Variants in SCD5 observed in about 807,000 individuals in gnomAD.
SCD5 encodes stearoyl-CoA desaturase 5, also known as acyl-CoA-desaturase 4.
SCD5 carries 20 observed loss-of-function variants against 30.4 expected under a neutral mutation model. The observed-to-expected ratio is 0.66, with a 90% CI of 0.46 to 0.96. SCD5 has a LOEUF of 0.96. Ranked by LOEUF, SCD5 falls within the 40% of genes least tolerant of loss-of-function variation. The pLI, the probability that SCD5 is intolerant of heterozygous loss-of-function variation, is 0.00. For missense variants in SCD5, 381 were observed against 443.3 expected (o/e 0.86, Z 1.26); for synonymous variants, 173 against 176.4 (o/e 0.98, Z 0.16).
chr4:82,706,018 AT>A (rs778798025), intron 1 of SCD5, among the ~76,000 whole-genome samples: 2 of 152,282 alleles, frequency 1.3e-5, no homozygotes, highest in Non-Finnish European at 2.9e-5. Flanking sequence ...ATGACAAATC[AT>A]TCCTTACTTG....
At chr4:82,666,145 C>G (rs1359725710) in intron 3 of SCD5, among the ~76,000 whole-genome samples, 1 of 152,078 alleles carries the variant, frequency 6.6e-6, no homozygotes, top group Non-Finnish European at 1.5e-5. Flanking sequence ...TGAAAACTTT[C>G]TCTACTTTTT....
intron 1 of SCD5, among the ~76,000 whole-genome samples, chr4:82,737,986 A>G (rs1435565490): frequency 6.6e-6 from 1 of 151,492 alleles, no homozygotes; most frequent in Non-Finnish European, 1.5e-5. Context: ...ATCTAGAACT[A>G]TATCTACTTT....
At chr4:82,712,299 T>TACACA (rs1560540883) in intron 1 of SCD5, among the ~76,000 whole-genome samples, 4 of 32,014 alleles carry the variant, frequency 1.2e-4, no homozygotes, top group Non-Finnish European at 1.3e-4. Flanking sequence ...TATATATATT[T>TACACA]TATTTTTATT....
chr4:82,643,160 G>A (rs1727577791), intron 3 of SCD5, among the ~76,000 whole-genome samples: 1 of 152,204 alleles, frequency 6.6e-6, no homozygotes, highest in Non-Finnish European at 1.5e-5. Flanking sequence ...AGGTACTGAT[G>A]GAGGAATGTG....
intron 1 of SCD5, among the ~76,000 whole-genome samples, chr4:82,753,140 A>G (rs796594584): frequency 2.0e-5 from 3 of 152,196 alleles, no homozygotes; most frequent in South Asian, 4.2e-4. Context: ...GCAAGATCCT[A>G]TGTGATTCCT....
chr4:82,796,128 G>A (rs1722211305), intron 1 of SCD5, among the ~76,000 whole-genome samples: 1 of 151,960 alleles, frequency 6.6e-6, no homozygotes. Flanking sequence ...AAATTAGCCG[G>A]GCGTGGTGGC....
intron 3 of SCD5, among the ~76,000 whole-genome samples, chr4:82,666,529 G>T (rs1181424149): frequency 6.6e-6 from 1 of 151,492 alleles, no homozygotes; most frequent in Non-Finnish European, 1.5e-5. Context: ...AAAAAAGAAA[G>T]AAAGAAAGAA....
intron 1 of SCD5, among the ~76,000 whole-genome samples, chr4:82,705,826 T>C (rs959257591): frequency 6.6e-6 from 1 of 152,202 alleles, no homozygotes; most frequent in Admixed American, 6.5e-5. Context: ...GAAGAGCATA[T>C]TTCTAAGTGG....
intron 2 of SCD5, chr4:82,692,438 C>G (rs1719555469): frequency 6.5e-6 from 1 of 153,640 alleles, no homozygotes; most frequent in African/African-American, 2.4e-5. Context: ...GCACCCCACA[C>G]AACACACCCC....
chr4:82,741,256 A>G (rs1560549713), intron 1 of SCD5, among the ~76,000 whole-genome samples: 1 of 152,028 alleles, frequency 6.6e-6, no homozygotes, highest in Non-Finnish European at 1.5e-5. Flanking sequence ...CACTTCTTAT[A>G]TCTAGGCTGG....
At chr4:82,780,145 C>T (rs1239954420) in intron 1 of SCD5, among the ~76,000 whole-genome samples, 13 of 152,216 alleles carry the variant, frequency 8.5e-5, no homozygotes. Context: ...AGTTTTCTTG[C>T]ACAGTTCTAC....
chr4:82,785,446 CAA>C (rs1326514163), intron 1 of SCD5, among the ~76,000 whole-genome samples: 1 of 152,224 alleles, frequency 6.6e-6, no homozygotes, highest in Admixed American at 6.5e-5. Flanking sequence ...CCTCCAGACT[CAA>C]AGTCCTTTTC....
intron 1 of SCD5, among the ~76,000 whole-genome samples, chr4:82,729,130 A>G (rs1720571485): frequency 6.6e-6 from 1 of 152,242 alleles, no homozygotes; most frequent in Non-Finnish European, 1.5e-5. Flanking sequence ...TTGAGCCTCC[A>G]AAAGCTGAAA....
intron 3 of SCD5, among the ~76,000 whole-genome samples, chr4:82,637,681 C>T (rs1727461866): frequency 6.6e-6 from 1 of 152,210 alleles, no homozygotes; most frequent in African/African-American, 2.4e-5. Flanking sequence ...TAGTGTGTTC[C>T]TCCTTGGCCT....
At chr4:82,792,540 A>T (rs1313404323) in intron 1 of SCD5, among the ~76,000 whole-genome samples, 1 of 152,076 alleles carries the variant, frequency 6.6e-6, no homozygotes, top group African/African-American at 2.4e-5. Context: ...TGAGACCCCC[A>T]TCTCTACAAA....
intron 1 of SCD5, among the ~76,000 whole-genome samples, chr4:82,707,926 C>T (rs530474885): frequency 6.6e-6 from 1 of 152,326 alleles, no homozygotes; most frequent in African/African-American, 2.4e-5. Context: ...TTTTACACTA[C>T]TAAATTGGGG....
chr4:82,637,809 C>T (rs1377251253), intron 3 of SCD5, among the ~76,000 whole-genome samples: 2 of 152,144 alleles, frequency 1.3e-5, no homozygotes, highest in Non-Finnish European at 1.5e-5. Flanking sequence ...GACTTGAGTC[C>T]AAATCTGATT....
chr4:82,704,301 T>C (rs1719923157), intron 2 of SCD5, among the ~76,000 whole-genome samples: 1 of 152,234 alleles, frequency 6.6e-6, no homozygotes, highest in Non-Finnish European at 1.5e-5. Context: ...CCCGTCTCCC[T>C]GGACTCTAGA....
chr4:82,798,310 G>A lies in SCD5; in HGVS notation c.228C>T (p.Leu76=). The A allele has an allele frequency of 6.2e-7, 1 of 1,609,098 alleles. No homozygotes were observed. Among genetic ancestry groups the A allele is most frequent in the Non-Finnish European group, 8.5e-7 (1 of 1,178,206 alleles). Residue 76 remains leucine (L), a synonymous_variant, in exon 1 of 5, where the codon CTC becomes CTT. Transcript: ENST00000319540. ...GGGGGCGCCGGCGGGACTTACCCCA[G>A]AGCAGAGTGAGTGGCTTGGCTTTGG... ...LIPKAKPLTL[L]WAYFCFLLAA...
Sources: allele counts gnomAD v4.1 joint callset (sites outside exome capture counted in the v4.1 genomes callset), GRCh38; gene constraint gnomAD v4.1.1; transcripts MANE v1.5; gene names NCBI Gene and HGNC (gene_info 2026-07-23, HGNC 2026-07-21).